Variants in SPRY3 observed in about 807,000 individuals in gnomAD.
SPRY3 encodes sprouty RTK signaling antagonist 3.
Under a neutral mutation model 20.2 loss-of-function variants are expected in SPRY3, and 15 were observed. The ratio of observed to expected loss-of-function variants is 0.74; its 90% confidence interval spans 0.50 to 1.14. SPRY3 has a LOEUF of 1.14. Among genes scored for constraint, SPRY3 ranks in the 50% most tolerant of loss-of-function variants. SPRY3 has a pLI of 0.00. For missense variants in SPRY3, 364 were observed against 363.9 expected, an observed-to-expected ratio of 1.00 and a Z score of 0.00; for synonymous variants, 143 against 136.5, an observed-to-expected ratio of 1.05 and a Z score of -0.33.
At chrX:155,755,545 T>G (rs977467406) in intron 2 of SPRY3, among the ~76,000 whole-genome samples, 3 of 152,056 alleles carry the variant, frequency 2.0e-5, no homozygotes, top group Non-Finnish European at 4.4e-5. Context: ...TTCTAAAATG[T>G]GGGTTATTTT....
At chrX:155,653,499 T>C (rs1313730022) in intron 1 of SPRY3, among the ~76,000 whole-genome samples, 1 of 112,099 alleles carries the variant, frequency 8.9e-6, no homozygotes, top group Non-Finnish European at 1.9e-5. Context: ...TTGAAGAGAC[T>C]GTTCTTTCCC....
intron 2 of SPRY3, among the ~76,000 whole-genome samples, chrX:155,705,925 G>C (rs1449822459): frequency 6.6e-6 from 1 of 151,234 alleles, no homozygotes; most frequent in Non-Finnish European, 1.5e-5. Context: ...AATTATAGCT[G>C]AACACTTCGA....
At chrX:155,659,097 T>TTTCTTTC (rs1240344445) in intron 2 of SPRY3, among the ~76,000 whole-genome samples, 2 of 102,195 alleles carry the variant, frequency 2.0e-5, no homozygotes, top group Non-Finnish European at 4.0e-5. Context: ...GGGTTCTTTT[T>TTTCTTTC]TTCTTTCTTC....
chrX:155,674,744 C>T (rs1199537002), intron 2 of SPRY3, among the ~76,000 whole-genome samples: 2 of 110,610 alleles, frequency 1.8e-5, no homozygotes, highest in African/African-American at 6.6e-5. Flanking sequence ...TTAAGCCAAG[C>T]CTGCTTTATC....
chrX:155,694,905 G>A (rs979026406), intron 2 of SPRY3, among the ~76,000 whole-genome samples: 8 of 111,249 alleles, frequency 7.2e-5, no homozygotes, highest in Non-Finnish European at 1.1e-4. Context: ...CTTGCCTGCC[G>A]GTCACCTCTT....
At chrX:155,710,706 A>G (rs1312566989) in intron 2 of SPRY3, among the ~76,000 whole-genome samples, 1 of 151,696 alleles carries the variant, frequency 6.6e-6, no homozygotes, top group Non-Finnish European at 1.5e-5. Flanking sequence ...ATGTTGAATA[A>G]CAGTGGCAAA....
At chrX:155,686,913 T>C (rs755901452) in intron 2 of SPRY3, among the ~76,000 whole-genome samples, 8 of 112,529 alleles carry the variant, frequency 7.1e-5, no homozygotes, top group Non-Finnish European at 1.1e-4. Context: ...AACGGGATAT[T>C]CTTCCACCCC....
intron 3 of SPRY3, among the ~76,000 whole-genome samples, chrX:155,773,128 GC>G (rs1164809571): frequency 6.6e-6 from 1 of 151,508 alleles, no homozygotes; most frequent in African/African-American, 2.4e-5. Flanking sequence ...CTCTTGGGAA[GC>G]CTTTTTTTTT....
chrX:155,623,481 T>C (rs2124522188), intron 1 of SPRY3, among the ~76,000 whole-genome samples: 1 of 112,255 alleles, frequency 8.9e-6, no homozygotes, highest in South Asian at 3.7e-4. Flanking sequence ...AGGAACTTTA[T>C]GCACTTTTTA....
chrX:155,630,528 T>C (rs1386579184), intron 1 of SPRY3, among the ~76,000 whole-genome samples: 1 of 111,931 alleles, frequency 8.9e-6, no homozygotes, highest in African/African-American at 3.2e-5. Flanking sequence ...GTTTTTTCTT[T>C]TCAGCATTTT....
chrX:155,716,791 C>G (rs1050363886), intron 2 of SPRY3, among the ~76,000 whole-genome samples: 2 of 151,154 alleles, frequency 1.3e-5, no homozygotes, highest in Non-Finnish European at 2.9e-5. Flanking sequence ...AATATGTGTT[C>G]AAATAACTGT....
At chrX:155,624,512 T>G (rs1340091053) in intron 1 of SPRY3, among the ~76,000 whole-genome samples, 2 of 88,545 alleles carry the variant, frequency 2.3e-5, no homozygotes, top group Non-Finnish European at 4.5e-5. Flanking sequence ...CATCTATTTA[T>G]CTATCATCTA....
chrX:155,684,292 A>G (rs754029368), intron 2 of SPRY3, among the ~76,000 whole-genome samples: 52 of 111,342 alleles, frequency 4.7e-4, no homozygotes, highest in Admixed American at 1.5e-3. Context: ...GATCACTATT[A>G]TAAGAAATCA....
chrX:155,722,159 A>G (rs1247170358), intron 2 of SPRY3, among the ~76,000 whole-genome samples: 1 of 152,184 alleles, frequency 6.6e-6, no homozygotes, highest in Non-Finnish European at 1.5e-5. Flanking sequence ...GCTTAAAATA[A>G]TGGGTTATAA....
chrX:155,765,544 T>C (rs2091322576), intron 2 of SPRY3, among the ~76,000 whole-genome samples: 1 of 152,224 alleles, frequency 6.6e-6, no homozygotes, highest in Non-Finnish European at 1.5e-5. Flanking sequence ...GCAGGAAATC[T>C]AGCTGTTGAA....
chrX:155,778,713 A>G (rs1424782453), downstream of SPRY3: 2 of 167,086 alleles, frequency 1.2e-5, no homozygotes, highest in Non-Finnish European at 2.9e-5. Flanking sequence ...GAATCCTTTA[A>G]CTTGGCCAAA....
intron 2 of SPRY3, among the ~76,000 whole-genome samples, chrX:155,719,352 C>T (rs2091041558): frequency 6.6e-6 from 1 of 152,110 alleles, no homozygotes; most frequent in Admixed American, 6.6e-5. Context: ...GGCTATAGTG[C>T]TCTGGGGCTC....
At position 155,699,454 on chromosome X, in the gene SPRY3, A is replaced by G. The variant is rs764287558; in HGVS notation, c.-282+42429A>G. On this transcript the variant is annotated intron_variant, in intron 2 of 3. Coordinates refer to ENST00000675360, the Ensembl canonical transcript of SPRY3. Reference sequence around the variant, plus strand: ...TCAGTGTCACCTTGCACGGTCCTCCATGAACCTCAACGGGTGCTCCCAGAA... The same window carrying G: ...TCAGTGTCACCTTGCACGGTCCTCCGTGAACCTCAACGGGTGCTCCCAGAA... 8.0e-5 allele frequency among the ~76,000 whole-genome samples: 9 copies of G among 111,921 alleles called. No homozygotes were observed. The South Asian group carries it at 1.9e-3, about 23-fold the overall frequency.
At chrX:155,759,688 G>A (rs2091296784) in intron 2 of SPRY3, among the ~76,000 whole-genome samples, 1 of 152,058 alleles carries the variant, frequency 6.6e-6, no homozygotes, top group Admixed American at 6.5e-5. Flanking sequence ...AAGGAAATAG[G>A]CATGGAATCA....
Sources: gnomAD v4.1 joint callset for allele counts (sites outside exome capture counted in the v4.1 genomes callset) on GRCh38, gnomAD v4.1.1 for gene constraint, MANE v1.5 for transcripts, NCBI Gene and HGNC (gene_info 2026-07-23, HGNC 2026-07-21) for gene names.